Variants in CLNK observed in about 807,000 individuals in gnomAD.
CLNK encodes the protein cytokine dependent hematopoietic cell linker, also known as cytokine-dependent hematopoietic cell linker.
CLNK carries 74 observed loss-of-function variants against 68.6 expected under a neutral mutation model. That is an observed-to-expected ratio of 1.08 (90% CI 0.89 to 1.31). The LOEUF (loss-of-function observed/expected upper bound fraction) is 1.31, where lower values mean the gene tolerates loss of function less well. CLNK is among the 50% of genes most tolerant of loss of function. The pLI, the probability that CLNK is intolerant of heterozygous loss-of-function variation, is 0.00. For missense variants in CLNK, 553 were observed against 515.3 expected, an observed-to-expected ratio of 1.07 and a Z score of -0.71; for synonymous variants, 198 against 172.2, an observed-to-expected ratio of 1.15 and a Z score of -1.17.
At chr4:10,646,770 A>C (rs2108879393) in intron 2 of CLNK, among the ~76,000 whole-genome samples, 1 of 152,256 alleles carries the variant, frequency 6.6e-6, no homozygotes, top group African/African-American at 2.4e-5. Context: ...GCAAACACCC[A>C]CATTCAAACC....
chr4:10,558,999 G>A (rs1213511346), intron 7 of CLNK, among the ~76,000 whole-genome samples: 2 of 152,124 alleles, frequency 1.3e-5, no homozygotes, highest in African/African-American at 4.8e-5. Context: ...GATACCTTTT[G>A]AGGACGGGAC....
rs749117916 is a variant in CLNK at position 10,525,942 on chromosome 4, A to C, written c.650-20T>G. On this transcript the variant is annotated intron_variant, in intron 13 of 18. Transcript: ENST00000226951. ...GAGGAACTATATAAAACAGTGACAT[A>C]ATTTGGTCAGGTTGCAAAAGAAAAA... The C allele has an allele frequency of 3.4e-6, 5 of 1,487,540 alleles. No individual in the cohort carries two copies. The South Asian group carries it at 6.1e-5, about 18-fold the overall frequency. The allele number at this position is 1,487,540 out of a possible 1,614,324, so 92.1% of individuals were successfully genotyped here.
chr4:10,495,410 C>T (rs531512241), intron 18 of CLNK, among the ~76,000 whole-genome samples: 2 of 152,310 alleles, frequency 1.3e-5, no homozygotes, highest in South Asian at 2.1e-4. Context: ...CTACAGAGAT[C>T]GGCACAGGTG....
chr4:10,619,923 G>T (rs1197498642), intron 2 of CLNK, among the ~76,000 whole-genome samples: 1 of 152,076 alleles, frequency 6.6e-6, no homozygotes, highest in African/African-American at 2.4e-5. Context: ...AGCCCGGGGC[G>T]TTTTCCCATA....
intron 2 of CLNK, among the ~76,000 whole-genome samples, chr4:10,638,509 C>G (rs1723184195): frequency 6.6e-6 from 1 of 152,254 alleles, no homozygotes; most frequent in African/African-American, 2.4e-5. Flanking sequence ...TGTGATTCGG[C>G]TTTATTAAAT....
chr4:10,503,503 G>T (rs1239736244), intron 17 of CLNK, among the ~76,000 whole-genome samples: 1 of 148,254 alleles, frequency 6.7e-6, no homozygotes, highest in African/African-American at 2.5e-5. Flanking sequence ...TATATATAAT[G>T]ATTTATAGCT....
chr4:10,729,915 T>C, the CLNK span, among the ~76,000 whole-genome samples: 1 of 152,240 alleles, frequency 6.6e-6, no homozygotes, highest in Non-Finnish European at 1.5e-5. Flanking sequence ...ACGGTTACTA[T>C]ATTCAGTATC....
At chr4:10,695,649 T>G in the CLNK span, among the ~76,000 whole-genome samples, 1 of 152,212 alleles carries the variant, frequency 6.6e-6, no homozygotes, top group Non-Finnish European at 1.5e-5. Flanking sequence ...TGAGTCATAT[T>G]CTTGGAGTTT....
chr4:10,688,140 G>T (rs118150746), upstream of CLNK, among the ~76,000 whole-genome samples: 9 of 152,152 alleles, frequency 5.9e-5, no homozygotes, highest in Admixed American at 2.6e-4. Flanking sequence ...GCATTAGCCC[G>T]CTTGGCTTTT....
chr4:10,511,053 T>C (rs1228457612), intron 16 of CLNK, among the ~76,000 whole-genome samples: 2 of 152,076 alleles, frequency 1.3e-5, no homozygotes, highest in Non-Finnish European at 2.9e-5. Context: ...CTTGGGAGGC[T>C]GAGGCAGGAG....
At chr4:10,730,831 G>C in the CLNK span, among the ~76,000 whole-genome samples, 13 of 152,124 alleles carry the variant, frequency 8.5e-5, no homozygotes, top group East Asian at 3.9e-4. Context: ...CATGCATACT[G>C]TATCTATTCC....
At chr4:10,502,116 C>T (rs759339805) in intron 17 of CLNK, among the ~76,000 whole-genome samples, 2 of 152,150 alleles carry the variant, frequency 1.3e-5, no homozygotes, top group South Asian at 2.1e-4. Context: ...CTTTGGGGCT[C>T]CCAGATTTTG....
intron 10 of CLNK, among the ~76,000 whole-genome samples, chr4:10,540,923 TA>T (rs1192068233): frequency 1.3e-5 from 2 of 151,726 alleles, no homozygotes; most frequent in Admixed American, 6.6e-5. Flanking sequence ...CAAATAAATA[TA>T]AAAAAAGTGG....
intron 2 of CLNK, among the ~76,000 whole-genome samples, chr4:10,617,843 G>A (rs1722295494): frequency 6.6e-6 from 1 of 152,174 alleles, no homozygotes. Context: ...AGCTTTGTTT[G>A]CTTTTGTTTT....
the CLNK span, among the ~76,000 whole-genome samples, chr4:10,716,730 G>A: frequency 1.4e-4 from 18 of 126,952 alleles, no homozygotes; most frequent in South Asian, 2.6e-4. Flanking sequence ...TTTCACTCTT[G>A]TCACCCAGGC....
At chr4:10,587,997 C>T (rs28579935) in intron 3 of CLNK, among the ~76,000 whole-genome samples, 61,120 of 152,076 alleles carry the variant, frequency 0.4, 13,997 homozygotes, top group Non-Finnish European at 0.52. Context: ...GGCCTGAGTG[C>T]TCTCTCTTGA....
At chr4:10,645,575 TA>T (rs1723474863) in intron 2 of CLNK, among the ~76,000 whole-genome samples, 1 of 152,114 alleles carries the variant, frequency 6.6e-6, no homozygotes, top group Non-Finnish European at 1.5e-5. Context: ...TATTTAATCT[TA>T]TTCAATATTT....
intron 13 of CLNK, 26 bp from the exon 14 acceptor site, chr4:10,525,948 G>A (rs1275801871): frequency 1.4e-6 from 2 of 1,432,616 alleles, no homozygotes; most frequent in Admixed American, 2.1e-5. Flanking sequence ...ACATAATTTG[G>A]TCAGGTTGCA....
At chr4:10,650,370 A>T (rs1723679928) in intron 2 of CLNK, among the ~76,000 whole-genome samples, 1 of 152,086 alleles carries the variant, frequency 6.6e-6, no homozygotes, top group South Asian at 2.1e-4. Context: ...AGAAATAGTG[A>T]AAAACAACAA....
Sources: allele counts gnomAD v4.1 joint callset (sites outside exome capture counted in the v4.1 genomes callset), GRCh38; gene constraint gnomAD v4.1.1; transcripts MANE v1.5; gene names NCBI Gene and HGNC (gene_info 2026-07-23, HGNC 2026-07-21).